Variants in DMGDH observed in about 807,000 individuals in gnomAD.
The protein encoded by DMGDH is dimethylglycine dehydrogenase, mitochondrial.
DMGDH carries 76 observed loss-of-function variants against 95.2 expected under a neutral mutation model. That is an observed-to-expected ratio of 0.80 (90% CI 0.66 to 0.97). DMGDH has a LOEUF of 0.97. DMGDH is among the 50% of genes least tolerant of loss of function. The pLI is 0.00. For synonymous variants in DMGDH, 345 were observed against 377.6 expected (o/e 0.91, Z 1.00); for missense variants, 987 against 1,055.0 (o/e 0.94, Z 0.89).
rs113405129 is a variant in DMGDH, at chr5:79,026,459, G to T, written c.2155C>A (p.Arg719Ser). 1.2e-6 allele frequency: 2 copies of T among 1,614,112 alleles called. No individual in the cohort carries two copies. The highest frequency in any genetic ancestry group is 1.7e-6 in the Non-Finnish European group (2 of 1,180,010). ...CAGGCTCTGAAGGCTTTCTCCAGGCGTAAGGCATTCATGGCATAGGTTCCA... is the reference window on the plus strand; with the variant it reads ...CAGGCTCTGAAGGCTTTCTCCAGGCTTAAGGCATTCATGGCATAGGTTCCA... Reference protein sequence around the residue: ...NFGTYAMNALRLEKAFRAWGL... With the variant: ...NFGTYAMNALSLEKAFRAWGL... The change falls in exon 13 of 16, where the codon CGC (arginine) becomes AGC (serine). Residue 719 changes from arginine to serine, a missense_variant. Physicochemically the swap from Arg to Ser is moderately radical, Grantham distance 110. Transcript: ENST00000255189.
intron 5 of DMGDH, among the ~76,000 whole-genome samples, chr5:79,045,643 C>T (rs61142528): frequency 0.062 from 9,444 of 152,006 alleles, 651 homozygotes; most frequent in African/African-American, 0.15. Flanking sequence ...GACTGACCAC[C>T]ATTAGATGAT....
At chr5:79,064,886 A>T (rs1755326705) in intron 1 of DMGDH, among the ~76,000 whole-genome samples, 1 of 152,028 alleles carries the variant, frequency 6.6e-6, no homozygotes, top group Non-Finnish European at 1.5e-5. Context: ...TGTAGCTGGG[A>T]TTACAGGTGT....
intron 15 of DMGDH, among the ~76,000 whole-genome samples, chr5:79,003,153 G>T (rs1248707421): frequency 6.6e-6 from 1 of 152,126 alleles, no homozygotes; most frequent in African/African-American, 2.4e-5. Flanking sequence ...TTGGTGGAAG[G>T]GTAAGTGTAG....
intron 7 of DMGDH, among the ~76,000 whole-genome samples, chr5:79,033,886 C>T (rs1345415415): frequency 1.3e-5 from 2 of 152,124 alleles, no homozygotes; most frequent in Admixed American, 6.5e-5. Flanking sequence ...GAGCCATATT[C>T]GCACCACTGC....
At chr5:79,054,421 A>G in intron 3 of DMGDH, 73 bp from the exon 4 acceptor site, 1 of 1,419,332 alleles carries the variant, frequency 7.0e-7, no homozygotes. Flanking sequence ...CTGCTCCAGT[A>G]TAATGAAAAT....
At chr5:79,065,493 T>A (rs1012323131) in intron 1 of DMGDH, among the ~76,000 whole-genome samples, 2 of 152,230 alleles carry the variant, frequency 1.3e-5, no homozygotes, top group East Asian at 3.8e-4. Context: ...ATTACAGGCA[T>A]GAGCCACCAT....
At chr5:79,053,204 G>C (rs747980838) in intron 4 of DMGDH, among the ~76,000 whole-genome samples, 1 of 152,148 alleles carries the variant, frequency 6.6e-6, no homozygotes, top group Non-Finnish European at 1.5e-5. Context: ...TCAGGCTGGA[G>C]TGCAGTAGTG....
At chr5:79,064,253 T>C (rs59362909) in intron 1 of DMGDH, among the ~76,000 whole-genome samples, 10,798 of 151,938 alleles carry the variant, frequency 0.071, 858 homozygotes, top group African/African-American at 0.18. Context: ...CTTGGGAGGC[T>C]GAGGTAAGAG....
At chr5:79,039,274 C>G (rs1388113948) in intron 7 of DMGDH, among the ~76,000 whole-genome samples, 1 of 152,116 alleles carries the variant, frequency 6.6e-6, no homozygotes, top group Admixed American at 6.6e-5. Flanking sequence ...TTTATTGTGG[C>G]ACTATTCACA....
In DMGDH at chr5:79,042,280, T is replaced by C; in HGVS notation, c.1193+3A>G. On this transcript the variant is annotated splice_donor_region_variant and intron_variant, in intron 7 of 15. Transcript: ENST00000255189. ...AAATGTTGAATTACATGAAGATACT[T>C]ACCCAAAGCCTATAGCCACCCAGTA... 1.2e-6 allele frequency: 2 copies of C among 1,613,480 alleles called. No individual in the cohort carries two copies. Among genetic ancestry groups the C allele is most frequent in the Non-Finnish European group, 1.7e-6 (2 of 1,179,388 alleles).
chr5:79,038,047 C>A (rs1182711686), intron 7 of DMGDH, among the ~76,000 whole-genome samples: 1 of 152,180 alleles, frequency 6.6e-6, no homozygotes, highest in African/African-American at 2.4e-5. Context: ...TCTCAGCTGG[C>A]TTCTTTGCAT....
rs865848521 is a variant in DMGDH, at chr5:79,063,684, C to T, written c.205G>A (p.Ala69Thr). 1 of 1,614,162 alleles carries T rather than the reference C, an allele frequency of 6.2e-7. No homozygotes were observed. Among genetic ancestry groups the T allele is most frequent in the Non-Finnish European group, 8.5e-7 (1 of 1,180,026 alleles). ...ACCACATCTTTCATCCCTGCTTTGG[C>T]CAGGTGATAAGCCAGACTCACACCA... is the stretch of plus-strand genomic sequence containing the variant. ...CVGVSLAYHL[A>T]KAGMKDVVLL... The change falls in exon 2 of 16, where the codon GCC becomes ACC. Residue 69 changes from alanine (A) to threonine (T), a missense_variant. Coordinates refer to ENST00000255189, the MANE Select transcript of DMGDH (RefSeq NM_013391.3).
chr5:79,048,389 A>G (rs1171202345), intron 5 of DMGDH, among the ~76,000 whole-genome samples: 2 of 152,098 alleles, frequency 1.3e-5, no homozygotes, highest in Non-Finnish European at 1.5e-5. Flanking sequence ...TTTTCTTTTT[A>G]TGGATACCCT....
chr5:79,040,313 G>T (rs1413001820), intron 7 of DMGDH, among the ~76,000 whole-genome samples: 1 of 152,138 alleles, frequency 6.6e-6, no homozygotes, highest in Non-Finnish European at 1.5e-5. Flanking sequence ...TGTAAGAAAA[G>T]GAATCAGAAA....
At chr5:79,043,352 G>C (rs1754567129) in intron 6 of DMGDH, among the ~76,000 whole-genome samples, 1 of 152,166 alleles carries the variant, frequency 6.6e-6, no homozygotes, top group African/African-American at 2.4e-5. Context: ...AGAGAGGGAG[G>C]CTCTCAGTGG....
At chr5:79,046,999 A>G (rs2112652293) in intron 5 of DMGDH, among the ~76,000 whole-genome samples, 1 of 152,272 alleles carries the variant, frequency 6.6e-6, no homozygotes, top group Non-Finnish European at 1.5e-5. Context: ...TCTTATCACT[A>G]TATTACTTCA....
intron 1 of DMGDH, among the ~76,000 whole-genome samples, chr5:79,065,007 C>T (rs191931149): frequency 3.5e-4 from 53 of 152,162 alleles, no homozygotes; most frequent in African/African-American, 1.2e-3. Context: ...GCCTTGGCCT[C>T]CCAGAGTGCT....
intron 14 of DMGDH, among the ~76,000 whole-genome samples, chr5:79,006,463 C>T (rs966338397): frequency 6.6e-6 from 1 of 152,178 alleles, no homozygotes; most frequent in African/African-American, 2.4e-5. Flanking sequence ...GGAGGGCTGA[C>T]ATCCGTGGGA....
chr5:79,054,566 C>T (rs1754966956), intron 3 of DMGDH, among the ~76,000 whole-genome samples: 1 of 152,154 alleles, frequency 6.6e-6, no homozygotes, highest in Admixed American at 6.5e-5. Flanking sequence ...TTCTAAGCCC[C>T]ACAGGTGTAG....
Sources: allele counts gnomAD v4.1 joint callset (sites outside exome capture counted in the v4.1 genomes callset), GRCh38; gene constraint gnomAD v4.1.1; transcripts MANE v1.5; gene names NCBI Gene and HGNC (gene_info 2026-07-23, HGNC 2026-07-21).